The following YME1L1 variants were observed in gnomAD, a reference collection of about 807,000 sequenced individuals.
YME1L1 encodes YME1 like 1 ATPase, also known as ATP-dependent zinc metalloprotease YME1L1.
Under a neutral mutation model 90.4 loss-of-function variants are expected in YME1L1, and 39 were observed. The ratio of observed to expected loss-of-function variants is 0.43; its 90% CI spans 0.33 to 0.56. The LOEUF (loss-of-function observed/expected upper bound fraction) is 0.56, where lower values mean the gene tolerates loss of function less well. Among genes scored for constraint, YME1L1 ranks in the 20% least tolerant of loss-of-function variants. The pLI, the probability that YME1L1 is intolerant of heterozygous loss-of-function variation, is 0.03. For synonymous variants in YME1L1, 284 were observed against 287.3 expected (o/e 0.99, Z 0.12); for missense variants, 617 against 868.4 (o/e 0.71, Z 3.64).
chr10:27,144,808 T>A (rs941471810), intron 3 of YME1L1, among the ~76,000 whole-genome samples: 11 of 152,168 alleles, frequency 7.2e-5, no homozygotes, highest in African/African-American at 2.7e-4. Flanking sequence ...AAAACAAATT[T>A]TGTTGAAATT....
In YME1L1 at chr10:27,148,932, G is replaced by A; in HGVS notation, c.142C>T (p.Pro48Ser). ...VSQNQHRDVV[P>S]EHEAPSSEPS... is the part of the protein sequence containing the mutation. ...TCACTGCTGGGAGCCTCATGCTCAGGAACTACATCTCGATGCTGGTTTTGA... is the reference window on the plus strand; with the variant it reads ...TCACTGCTGGGAGCCTCATGCTCAGAAACTACATCTCGATGCTGGTTTTGA... Residue 48 changes from proline to serine, a missense_variant, in exon 2 of 19, where the codon CCT becomes TCT. Physicochemically the swap from Pro to Ser is moderately conservative, Grantham distance 74. This residue lies in a region of YME1L1 where 311 missense variants were observed against 335.8 expected (regional missense o/e 0.93). Transcript: ENST00000376016. 6.2e-7 allele frequency: 1 copy of A among 1,613,854 alleles called. No individual in the cohort carries two copies.
At chr10:27,134,241 C>A in intron 6 of YME1L1, 119 bp from the exon 7 acceptor site, 1 of 830,028 alleles carries the variant, frequency 1.2e-6, no homozygotes, top group South Asian at 1.8e-5. Flanking sequence ...ATTTTGGAAT[C>A]TGGCATTCTT....
intron 4 of YME1L1, among the ~76,000 whole-genome samples, chr10:27,137,492 T>A (rs2057041425): frequency 6.6e-6 from 1 of 152,208 alleles, no homozygotes; most frequent in South Asian, 2.1e-4. Context: ...GAAACACTGT[T>A]AAGGTTTAAA....
intron 9 of YME1L1, among the ~76,000 whole-genome samples, chr10:27,124,327 G>A (rs913724211): frequency 3.3e-5 from 5 of 152,284 alleles, no homozygotes; most frequent in African/African-American, 9.6e-5. Flanking sequence ...GTTAACAATT[G>A]TTGAGTCTAA....
chr10:27,136,584 T>G (rs1014258737), intron 4 of YME1L1, among the ~76,000 whole-genome samples, 199 bp from the exon 5 acceptor site: 2 of 152,154 alleles, frequency 1.3e-5, no homozygotes, highest in Non-Finnish European at 2.9e-5. Context: ...CTTGAACTCC[T>G]GGGCTCAAGC....
chr10:27,139,385 T>C (rs977988144), intron 4 of YME1L1, among the ~76,000 whole-genome samples: 3 of 152,034 alleles, frequency 2.0e-5, no homozygotes, highest in South Asian at 2.1e-4. Flanking sequence ...GTTGAGATGA[T>C]GTCTGGGCTT....
At chr10:27,120,630 C>G in intron 12 of YME1L1, 83 bp from the exon 13 acceptor site, 1 of 1,057,940 alleles carries the variant, frequency 9.5e-7, no homozygotes, top group Non-Finnish European at 1.4e-6. Flanking sequence ...AATGACGTGA[C>G]TGGGAAGCCA....
rs1267196983 is a variant in YME1L1 at position 27,154,215 on chromosome 10, G to A, written c.-5C>T. ...CGTGCTCGACAAGGAAAACATCTCC[G>A]GCGGGCCCTCAGCGACCTCACCCGC... On this transcript the variant is annotated 5_prime_UTR_variant, in exon 1 of 19. Coordinates refer to ENST00000376016, the MANE Select transcript of YME1L1 (RefSeq NM_014263.4). The A allele has an allele frequency of 5.7e-6, 9 of 1,588,748 alleles. No individual in the cohort carries two copies. The highest frequency in any genetic ancestry group is 1.3e-5 in the African/African-American group (1 of 74,484).
intron 11 of YME1L1, among the ~76,000 whole-genome samples, 164 bp downstream of exon 11, chr10:27,122,677 T>C (rs2056878878): frequency 1.3e-5 from 2 of 152,230 alleles, no homozygotes; most frequent in South Asian, 2.1e-4. Context: ...AAAGCTTGTC[T>C]TGAGTTCTTG....
chr10:27,132,842 T>A (rs1206731182), intron 7 of YME1L1, among the ~76,000 whole-genome samples: 1 of 151,924 alleles, frequency 6.6e-6, no homozygotes, highest in Non-Finnish European at 1.5e-5. Context: ...TGAAATAAAA[T>A]AAAAAAATAA....
At chr10:27,130,213 T>A (rs1317653054) in intron 8 of YME1L1, among the ~76,000 whole-genome samples, 1 of 152,128 alleles carries the variant, frequency 6.6e-6, no homozygotes, top group East Asian at 1.9e-4. Context: ...ATCATAGAAA[T>A]ATTTTCTTCC....
At position 27,137,340 on chromosome 10, in the gene YME1L1, C is replaced by T. The variant is rs188159016; in HGVS notation, c.431-955G>A. ...GTGCATTCAGTTTAATGGCTGTTTA[C>T]ACTTTTCCAATTTATCACAGTGCAA... is the stretch of plus-strand genomic sequence containing the variant. On this transcript the variant is annotated intron_variant, in intron 4 of 18. Coordinates refer to ENST00000376016, the MANE Select transcript of YME1L1 (RefSeq NM_014263.4). Among the ~76,000 whole-genome samples the T allele has an allele frequency of 1.1e-4, 17 of 152,294 alleles. No homozygotes were observed. The East Asian group carries it at 2.9e-3, about 26-fold the overall frequency.
At chr10:27,138,715 A>G (rs1366567354) in intron 4 of YME1L1, among the ~76,000 whole-genome samples, 1 of 152,148 alleles carries the variant, frequency 6.6e-6, no homozygotes, top group East Asian at 1.9e-4. Flanking sequence ...ATTTTCTGGT[A>G]AACAATCGTT....
intron 12 of YME1L1, 45 bp downstream of exon 12, chr10:27,121,341 G>T: frequency 7.4e-7 from 1 of 1,356,000 alleles, no homozygotes; most frequent in Non-Finnish European, 1.1e-6. Flanking sequence ...GCACAATTTT[G>T]TAGCATGTAA....
intron 17 of YME1L1, among the ~76,000 whole-genome samples, chr10:27,115,197 G>A (rs1242725153): frequency 2.0e-5 from 3 of 151,290 alleles, no homozygotes; most frequent in Non-Finnish European, 2.9e-5. Flanking sequence ...TAGCTGCAGT[G>A]AGCCAACATC....
intron 5 of YME1L1, 127 bp from the exon 6 acceptor site, chr10:27,135,108 T>C (rs2057014465): frequency 1.2e-6 from 1 of 838,544 alleles, no homozygotes; most frequent in Non-Finnish European, 1.8e-6. Context: ...AAGAAACAGA[T>C]TAAGACTCAG....
intron 4 of YME1L1, among the ~76,000 whole-genome samples, chr10:27,141,267 G>C (rs1217056389): frequency 6.6e-6 from 1 of 152,026 alleles, no homozygotes; most frequent in East Asian, 1.9e-4. Flanking sequence ...CTGGTGGTGG[G>C]AACCTGTAAT....
At chr10:27,123,899 TA>T (rs1297432526) in intron 9 of YME1L1, among the ~76,000 whole-genome samples, 200 bp from the exon 10 acceptor site, 4 of 152,004 alleles carry the variant, frequency 2.6e-5, no homozygotes, top group African/African-American at 9.7e-5. Flanking sequence ...AATGTTCCTG[TA>T]TTATATAAAT....
Position 27,111,849 on chromosome 10 carries a change from A to G in YME1L1, c.*128T>C, listed in dbSNP as rs535007166. 6.5e-6 allele frequency: 8 copies of G among 1,237,870 alleles called. No homozygotes were observed. Among genetic ancestry groups the G allele is most frequent in the Non-Finnish European group, 8.2e-6 (7 of 849,368 alleles). 76.7% of individuals were successfully genotyped at this position (1,237,870 alleles called of 1,614,324 possible). The stretch of plus-strand genomic sequence containing the variant: ...ACTGGATAAATGTGACAAATGATTG[A>G]CAAAGCATTTCACACCCTTCAATTA... On this transcript the variant is annotated 3_prime_UTR_variant, in exon 19 of 19. Transcript: ENST00000376016.
Sources: gnomAD v4.1 joint callset for allele counts (sites outside exome capture counted in the v4.1 genomes callset) on GRCh38, gnomAD v4.1.1 for gene constraint, gnomAD v4.1.1 regional missense constraint, MANE v1.5 for transcripts, NCBI Gene and HGNC (gene_info 2026-07-23, HGNC 2026-07-21) for gene names.